Variants in PRTG observed in about 807,000 individuals in gnomAD.
PRTG encodes protogenin, also known as immunoglobulin superfamily, DCC subclass, member 5.
Under a neutral mutation model 122.5 loss-of-function variants are expected in PRTG, and 67 were observed. That is an observed-to-expected ratio of 0.55 (90% CI 0.45 to 0.67). PRTG has a LOEUF of 0.67. PRTG is among the 30% of genes least tolerant of loss of function. PRTG has a pLI of 0.00. For missense variants in PRTG, 1,435 were observed against 1,415.4 expected (o/e 1.01, Z -0.22); for synonymous variants, 554 against 501.1 (o/e 1.11, Z -1.41).
At chr15:55,647,003 G>C (rs1485954484) in intron 11 of PRTG, among the ~76,000 whole-genome samples, 1 of 152,064 alleles carries the variant, frequency 6.6e-6, no homozygotes, top group East Asian at 1.9e-4. Flanking sequence ...GTCACATAAA[G>C]AAGAGTCAGG....
At chr15:55,640,858 A>C (rs1322632917) in intron 12 of PRTG, among the ~76,000 whole-genome samples, 2 of 148,126 alleles carry the variant, frequency 1.4e-5, no homozygotes, top group African/African-American at 2.5e-5. Flanking sequence ...TAAAAATACA[A>C]AAAAAAAAAA....
chr15:55,629,392 TGTGTG>T (rs2059214669), intron 15 of PRTG, among the ~76,000 whole-genome samples: 1 of 108,746 alleles, frequency 9.2e-6, no homozygotes, highest in Non-Finnish European at 1.8e-5. Flanking sequence ...TGTGTGTGTG[TGTGTG>T]TGTGTGTGTG....
At chr15:55,683,445 A>C (rs562201130) in intron 3 of PRTG, among the ~76,000 whole-genome samples, 179 of 152,294 alleles carry the variant, frequency 1.2e-3, no homozygotes, top group Non-Finnish European at 2.4e-3. Flanking sequence ...GGCATACATG[A>C]AAGACCCTTA....
chr15:55,641,295 T>C, intron 11 of PRTG, 87 bp from the exon 12 acceptor site: 1 of 893,322 alleles, frequency 1.1e-6, no homozygotes. Context: ...GATTTTGGTT[T>C]AAAAACCTGC....
intron 2 of PRTG, among the ~76,000 whole-genome samples, chr15:55,702,143 T>C (rs1438159258): frequency 1.3e-5 from 2 of 152,212 alleles, no homozygotes; most frequent in Non-Finnish European, 1.5e-5. Flanking sequence ...AAAGATTCTA[T>C]TTAATTTTCT....
At chr15:55,640,500 C>T (rs1300920367) in intron 12 of PRTG, among the ~76,000 whole-genome samples, 1 of 152,134 alleles carries the variant, frequency 6.6e-6, no homozygotes, top group Non-Finnish European at 1.5e-5. Flanking sequence ...CAGTGGGGGA[C>T]TTAAGACTAG....
chr15:55,627,442 G>A (rs1372146868), intron 16 of PRTG, among the ~76,000 whole-genome samples: 12 of 148,296 alleles, frequency 8.1e-5, no homozygotes, highest in Non-Finnish European at 1.5e-5. Context: ...TCCTGCCTCA[G>A]CCTCCCGAGT....
At position 55,694,582 on chromosome 15, in the gene PRTG, T is replaced by C. The variant is rs533501536; in HGVS notation, c.398-10651A>G. 1.1e-3 allele frequency among the ~76,000 whole-genome samples: 169 copies of C among 152,246 alleles called. 2 individuals carry two copies. The highest frequency in any genetic ancestry group is 1.3e-3 in the Non-Finnish European group (87 of 68,012). On this transcript the variant is annotated intron_variant, in intron 2 of 19. Coordinates refer to ENST00000389286, the MANE Select transcript of PRTG (RefSeq NM_173814.6). ...TAGAAACTTTAGAAAAGCATGCAAA[T>C]ATAAAACATATATATCATGATAGTT...
At position 55,624,452 on chromosome 15, in the gene PRTG, T is replaced by C. The variant is rs1177201316; in HGVS notation, c.2983A>G (p.Ser995Gly). The change falls in exon 18 of 20, where the codon AGT becomes GGT. Residue 995 changes from serine (S) to glycine (G), a missense_variant. Coordinates refer to ENST00000389286, the MANE Select transcript of PRTG (RefSeq NM_173814.6). ...QNGTQQLPRT[S>G]ASLASGNEVG... ...TCATTTCCACTAGCTAAGGAGGCAC[T>C]GGTACGAGGTAACTGTTGAGTTCCA... 5.6e-6 allele frequency: 9 copies of C among 1,613,884 alleles called. No homozygotes were observed. In the Admixed American group the frequency reaches 8.3e-5, roughly 15 times the overall value.
intron 2 of PRTG, among the ~76,000 whole-genome samples, chr15:55,719,425 C>T (rs970824913): frequency 5.9e-5 from 9 of 152,074 alleles, no homozygotes; most frequent in Non-Finnish European, 1.3e-4. Flanking sequence ...TAACAAAAGA[C>T]ATGGAAAACT....
intron 2 of PRTG, among the ~76,000 whole-genome samples, chr15:55,717,007 T>G (rs2030624707): frequency 6.6e-6 from 1 of 152,214 alleles, no homozygotes; most frequent in Admixed American, 6.5e-5. Flanking sequence ...AAGCAGTGGC[T>G]TTACTCAATA....
chr15:55,684,001 G>C, intron 2 of PRTG, 70 bp from the exon 3 acceptor site: 1 of 1,304,622 alleles, frequency 7.7e-7, no homozygotes, highest in Non-Finnish European at 1.1e-6. Flanking sequence ...CATTACACTA[G>C]ATATTACTTA....
intron 2 of PRTG, among the ~76,000 whole-genome samples, chr15:55,720,458 G>C (rs1470226450): frequency 6.6e-6 from 1 of 152,178 alleles, no homozygotes; most frequent in Admixed American, 6.5e-5. Flanking sequence ...CTGGTTCAAA[G>C]GGTATTTTTC....
At chr15:55,726,127 G>A (rs746334894) in intron 2 of PRTG, among the ~76,000 whole-genome samples, 5 of 152,096 alleles carry the variant, frequency 3.3e-5, no homozygotes, top group East Asian at 3.8e-4. Context: ...ATTTTTAGTC[G>A]AGACGGGGTT....
intron 2 of PRTG, chr15:55,738,315 C>A: frequency 4.2e-6 from 2 of 480,840 alleles, no homozygotes; most frequent in South Asian, 4.8e-5. Flanking sequence ...GTTTGTTACA[C>A]CTATCACACA....
intron 2 of PRTG, among the ~76,000 whole-genome samples, chr15:55,730,746 G>A (rs1443382800): frequency 6.6e-6 from 1 of 152,158 alleles, no homozygotes; most frequent in Admixed American, 6.5e-5. Flanking sequence ...CTTGCAGTGA[G>A]CCGAGATGGC....
chr15:55,696,623 G>C (rs936284835), intron 2 of PRTG, among the ~76,000 whole-genome samples: 1 of 152,128 alleles, frequency 6.6e-6, no homozygotes, highest in African/African-American at 2.4e-5. Flanking sequence ...GAAGCTATTT[G>C]TTATCTTAAA....
chr15:55,614,555 G>A lies in PRTG; in HGVS notation c.*5457C>T, dbSNP rs1165579262. ...AACATAACCACTGAAGAGAAAAGGA[G>A]AAAGGGTAACTATAAGAAGAGTTTT... On this transcript the variant is annotated 3_prime_UTR_variant, in exon 20 of 20. Transcript: ENST00000389286. 6.6e-6 allele frequency: 1 copy of A among 152,138 alleles called. No individual in the cohort carries two copies. Among genetic ancestry groups the A allele is most frequent in the Non-Finnish European group, 1.5e-5 (1 of 67,992 alleles). The allele number at this position is 152,138 out of a possible 1,614,324, so 9.4% of individuals were successfully genotyped here.
chr15:55,648,740 TA>T (rs756191769), intron 11 of PRTG, among the ~76,000 whole-genome samples: 4 of 152,260 alleles, frequency 2.6e-5, no homozygotes, highest in Admixed American at 2.0e-4. Flanking sequence ...GAAATAGCAG[TA>T]AAAAGAAGGG....
Sources: gnomAD v4.1 joint callset for allele counts (sites outside exome capture counted in the v4.1 genomes callset) on GRCh38, gnomAD v4.1.1 for gene constraint, MANE v1.5 for transcripts, NCBI Gene and HGNC (gene_info 2026-07-23, HGNC 2026-07-21) for gene names.